Variants in RAPGEF5 observed in about 807,000 individuals in gnomAD.
RAPGEF5 encodes the protein Rap guanine nucleotide exchange factor 5.
Under a neutral mutation model 125.2 loss-of-function variants are expected in RAPGEF5, and 65 were observed. The observed-to-expected ratio is 0.52, with a 90% confidence interval of 0.43 to 0.64. RAPGEF5 has a LOEUF of 0.64. RAPGEF5 is among the 30% of genes least tolerant of loss of function. The pLI, the probability that RAPGEF5 is intolerant of heterozygous loss-of-function variation, is 0.00. For missense variants in RAPGEF5, 958 were observed against 1,048.1 expected, an observed-to-expected ratio of 0.91 and a Z score of 1.19; for synonymous variants, 391 against 385.9, an observed-to-expected ratio of 1.01 and a Z score of -0.16.
chr7:22,219,943 C>G lies in RAPGEF5; in HGVS notation c.919G>C (p.Glu307Gln). ...LQERDEIGRIELVQKLAKENY... is the reference protein window; with the variant it reads ...LQERDEIGRIQLVQKLAKENY... ...TCTTTTGCCAGCTTCTGGACTAGTT[C>G]AATTCGTCCGATTTCATCTCTTTCC... The change falls in exon 9 of 26, where the codon GAA (glutamate) becomes CAA (glutamine). Residue 307 changes from glutamate to glutamine, a missense_variant. Transcript: ENST00000665637. 1.2e-6 allele frequency: 2 copies of G among 1,613,564 alleles called. No homozygotes were observed. Among genetic ancestry groups the G allele is most frequent in the Non-Finnish European group, 1.7e-6 (2 of 1,179,630 alleles).
At chr7:22,314,505 T>C (rs1272743268) in intron 3 of RAPGEF5, 4 of 642,256 alleles carry the variant, frequency 6.2e-6, no homozygotes, top group East Asian at 2.8e-4. Flanking sequence ...AGAAATATTA[T>C]AATGAGTTTA....
chr7:22,132,084 T>C (rs1295539831), intron 23 of RAPGEF5, among the ~76,000 whole-genome samples: 1 of 152,118 alleles, frequency 6.6e-6, no homozygotes, highest in Admixed American at 6.5e-5. Flanking sequence ...CTTGTAAAAA[T>C]AACCTGATAG....
At chr7:22,151,310 T>C (rs1214087914) in intron 17 of RAPGEF5, among the ~76,000 whole-genome samples, 1 of 152,132 alleles carries the variant, frequency 6.6e-6, no homozygotes, top group Non-Finnish European at 1.5e-5. Context: ...AGTATTAGAA[T>C]TACTAGGTCA....
chr7:22,186,163 T>C lies in RAPGEF5; in HGVS notation c.1204+7204A>G, dbSNP rs569318808. Among the ~76,000 whole-genome samples the C allele has an allele frequency of 3.9e-5, 6 of 152,342 alleles. No homozygotes were observed. In the East Asian group the frequency reaches 7.7e-4, roughly 20 times the overall value. On this transcript the variant is annotated intron_variant, in intron 11 of 25. Transcript: ENST00000665637. ...CTAAGTAGCAGCCCAGTCCAGTTAC[T>C]TGCCTTGGATAAAGCGATTTTCACA...
chr7:22,328,290 T>C (rs1341484721), intron 1 of RAPGEF5, among the ~76,000 whole-genome samples: 1 of 152,242 alleles, frequency 6.6e-6, no homozygotes, highest in Non-Finnish European at 1.5e-5. Flanking sequence ...CAAGCATCTT[T>C]TGGACATGGG....
intron 11 of RAPGEF5, among the ~76,000 whole-genome samples, chr7:22,188,930 T>C (rs1028638498): frequency 2.0e-5 from 3 of 151,984 alleles, no homozygotes; most frequent in Admixed American, 1.3e-4. Context: ...CAACCTACTA[T>C]GTGTTGCTAA....
chr7:22,202,975 C>T, intron 9 of RAPGEF5: 2 of 272,882 alleles, frequency 7.3e-6, no homozygotes, highest in East Asian at 2.2e-4. Flanking sequence ...AGTATACTAA[C>T]ACTGAAGTAT....
At chr7:22,264,141 T>C (rs913988057) in intron 7 of RAPGEF5, among the ~76,000 whole-genome samples, 1 of 147,222 alleles carries the variant, frequency 6.8e-6, no homozygotes, top group Non-Finnish European at 1.5e-5. Context: ...GTTTCTACTT[T>C]CTGTTAAAAA....
At chr7:22,186,383 A>G (rs2128123511) in intron 11 of RAPGEF5, among the ~76,000 whole-genome samples, 1 of 152,334 alleles carries the variant, frequency 6.6e-6, no homozygotes, top group South Asian at 2.1e-4. Context: ...GAAGTTTCAC[A>G]TTAATTCTTA....
chr7:22,125,351 T>C, intron 25 of RAPGEF5: 1 of 388,516 alleles, frequency 2.6e-6, no homozygotes, highest in East Asian at 5.0e-5. Context: ...TTTCTGAGTG[T>C]GTAAAGTCAC....
At chr7:22,209,344 G>C (rs1282419907) in intron 9 of RAPGEF5, among the ~76,000 whole-genome samples, 1 of 152,062 alleles carries the variant, frequency 6.6e-6, no homozygotes, top group Non-Finnish European at 1.5e-5. Flanking sequence ...TCCCTTTCTT[G>C]GCTCATCCTT....
chr7:22,149,711 C>G (rs561010013), intron 18 of RAPGEF5, among the ~76,000 whole-genome samples: 1 of 152,278 alleles, frequency 6.6e-6, no homozygotes, highest in Non-Finnish European at 1.5e-5. Context: ...GGGAATGGAA[C>G]GAAGTGTACC....
At chr7:22,134,686 T>C (rs1427739762) in intron 23 of RAPGEF5, among the ~76,000 whole-genome samples, 1 of 152,228 alleles carries the variant, frequency 6.6e-6, no homozygotes, top group Non-Finnish European at 1.5e-5. Context: ...TTGTCTTTAT[T>C]TGTGTCTAAA....
At chr7:22,307,788 G>A (rs1783376960) in intron 5 of RAPGEF5, among the ~76,000 whole-genome samples, 1 of 152,088 alleles carries the variant, frequency 6.6e-6, no homozygotes, top group Non-Finnish European at 1.5e-5. Context: ...TCTAAAATAA[G>A]CTATCACCAT....
intron 6 of RAPGEF5, among the ~76,000 whole-genome samples, chr7:22,277,277 G>A (rs1562503813): frequency 2.0e-5 from 3 of 152,216 alleles, no homozygotes; most frequent in African/African-American, 7.2e-5. Context: ...TGCCCTGGCA[G>A]CTTCTGACAT....
intron 7 of RAPGEF5, among the ~76,000 whole-genome samples, chr7:22,254,900 G>A (rs1447572121): frequency 1.3e-5 from 2 of 152,096 alleles, no homozygotes; most frequent in African/African-American, 2.4e-5. Flanking sequence ...GGAACTCAGC[G>A]GGTAATGCTT....
At chr7:22,180,268 A>AT (rs921984654) in intron 11 of RAPGEF5, among the ~76,000 whole-genome samples, 23 of 152,098 alleles carry the variant, frequency 1.5e-4, no homozygotes, top group Non-Finnish European at 2.2e-4. Context: ...TCAAACTTTG[A>AT]TTTTTTCTCC....
chr7:22,353,160 G>C (rs145248672), intron 1 of RAPGEF5, among the ~76,000 whole-genome samples: 111 of 152,238 alleles, frequency 7.3e-4, no homozygotes, highest in Non-Finnish European at 1.5e-3. Context: ...TCACCACAAG[G>C]AATCAGTCCA....
chr7:22,282,962 C>G (rs1478722101), intron 6 of RAPGEF5, among the ~76,000 whole-genome samples: 1 of 151,022 alleles, frequency 6.6e-6, no homozygotes, highest in Non-Finnish European at 1.5e-5. Context: ...CTTTTAGCTC[C>G]AAGAACATAT....
Sources: gnomAD v4.1 joint callset for allele counts (sites outside exome capture counted in the v4.1 genomes callset) on GRCh38, gnomAD v4.1.1 for gene constraint, MANE v1.5 for transcripts, NCBI Gene and HGNC (gene_info 2026-07-23, HGNC 2026-07-21) for gene names.